The following MPHOSPH9 variants were observed in gnomAD, a reference collection of about 807,000 sequenced individuals.
MPHOSPH9 encodes the protein M-phase phosphoprotein 9.
Under a neutral mutation model 145.5 loss-of-function variants are expected in MPHOSPH9, and 88 were observed. That is an observed-to-expected ratio of 0.60 (90% CI 0.51 to 0.72). MPHOSPH9 has a LOEUF of 0.72. Among genes scored for constraint, MPHOSPH9 ranks in the 30% least tolerant of loss-of-function variants. The pLI, the probability that MPHOSPH9 is intolerant of heterozygous loss-of-function variation, is 0.00. For synonymous variants in MPHOSPH9, 435 were observed against 486.2 expected (o/e 0.89, Z 1.39); for missense variants, 1,238 against 1,386.6 (o/e 0.89, Z 1.70).
At chr12:123,192,628 C>CAAAA (rs55831766) in intron 13 of MPHOSPH9, among the ~76,000 whole-genome samples, 2 of 49,374 alleles carry the variant, frequency 4.1e-5, no homozygotes, top group Non-Finnish European at 3.5e-5. Flanking sequence ...GACACCGTCT[C>CAAAA]AAAAAAAAAA....
At chr12:123,234,465 G>C (rs920623246), upstream of MPHOSPH9, among the ~76,000 whole-genome samples, 1 of 152,112 alleles carries the variant, frequency 6.6e-6, no homozygotes, top group Admixed American at 6.5e-5. Flanking sequence ...GCGCGATCTC[G>C]GCTCACTTTA....
At chr12:123,207,869 G>GA (rs56034849) in intron 8 of MPHOSPH9, among the ~76,000 whole-genome samples, 18 of 143,184 alleles carry the variant, frequency 1.3e-4, no homozygotes, top group South Asian at 2.2e-4. Flanking sequence ...AAAAAAAAAA[G>GA]AAAAAAAAAA....
chr12:123,179,652 G>A (rs1365275408), intron 15 of MPHOSPH9, among the ~76,000 whole-genome samples: 1 of 150,938 alleles, frequency 6.6e-6, no homozygotes, highest in African/African-American at 2.4e-5. Flanking sequence ...AGCCAAGGCA[G>A]GAAGACTGCT....
At chr12:123,186,834 G>A (rs932254624) in intron 13 of MPHOSPH9, among the ~76,000 whole-genome samples, 7 of 152,026 alleles carry the variant, frequency 4.6e-5, no homozygotes, top group South Asian at 2.1e-4. Context: ...GGTGGCACGC[G>A]CCTGTAACCC....
intron 13 of MPHOSPH9, among the ~76,000 whole-genome samples, chr12:123,193,071 CAAAAAAAAAAAAAAA>C (rs768866302): frequency 1.0e-4 from 3 of 29,592 alleles, no homozygotes; most frequent in Non-Finnish European, 1.7e-4. Flanking sequence ...GATTGTCTTT[CAAAAAAAAAAAAAAA>C]AAAAAAAAAA....
intron 8 of MPHOSPH9, among the ~76,000 whole-genome samples, chr12:123,209,539 T>C (rs1009172702): frequency 1.3e-5 from 2 of 151,870 alleles, no homozygotes; most frequent in Non-Finnish European, 2.9e-5. Context: ...CCCAAATAGC[T>C]GGGATGAACA....
chr12:123,168,219 C>T (rs1274886458), intron 16 of MPHOSPH9, among the ~76,000 whole-genome samples: 1 of 152,176 alleles, frequency 6.6e-6, no homozygotes, highest in African/African-American at 2.4e-5. Context: ...ACTACAAAGG[C>T]CGCGCTTCAG....
chr12:123,229,689 A>G (rs1727334), intron 2 of MPHOSPH9, among the ~76,000 whole-genome samples: 97,519 of 152,128 alleles, frequency 0.64, 35,679 homozygotes, highest in East Asian at 1. Context: ...ACAAAAAAGT[A>G]TAAAGGAAAG....
chr12:123,222,910 T>A, intron 4 of MPHOSPH9, 128 bp downstream of exon 4: 1 of 561,276 alleles, frequency 1.8e-6, no homozygotes, highest in Non-Finnish European at 2.8e-6. Context: ...CACTCCAACC[T>A]GGGCAACAAG....
At chr12:123,199,737 G>A (rs1248942137) in intron 11 of MPHOSPH9, among the ~76,000 whole-genome samples, 1 of 150,006 alleles carries the variant, frequency 6.7e-6, no homozygotes, top group South Asian at 2.1e-4. Context: ...AGCTTGCAGT[G>A]AGCCGAGACA....
At chr12:123,210,012 A>G (rs765320278) in intron 8 of MPHOSPH9, 44 bp downstream of exon 8, 13 of 1,390,006 alleles carry the variant, frequency 9.4e-6, no homozygotes, top group Non-Finnish European at 1.0e-5. Flanking sequence ...CTGGGATTAC[A>G]GGCGTAAGCC....
chr12:123,165,621 G>A (rs1287281354), intron 17 of MPHOSPH9, 144 bp from the exon 18 acceptor site: 5 of 702,098 alleles, frequency 7.1e-6, no homozygotes, highest in Non-Finnish European at 9.3e-6. Context: ...GGTAATTAGG[G>A]TTGGATGAGG....
intron 2 of MPHOSPH9, among the ~76,000 whole-genome samples, chr12:123,229,702 AAAC>A (rs1460449777): frequency 6.6e-6 from 1 of 152,266 alleles, no homozygotes; most frequent in African/African-American, 2.4e-5. Flanking sequence ...AAGGAAAGTA[AAAC>A]AAGCAAAACA....
At chr12:123,169,483 A>C (rs1332178561) in intron 16 of MPHOSPH9, among the ~76,000 whole-genome samples, 1 of 151,350 alleles carries the variant, frequency 6.6e-6, no homozygotes, top group Admixed American at 6.6e-5. Flanking sequence ...TGGGCAACAG[A>C]GCGAGACTCC....
chr12:123,203,073 T>C lies in MPHOSPH9; in HGVS notation c.1332A>G (p.Leu444=). The C allele has an allele frequency of 6.2e-7, 1 of 1,612,218 alleles. No individual in the cohort carries two copies. Among genetic ancestry groups the C allele is most frequent in the Non-Finnish European group, 8.5e-7 (1 of 1,179,270 alleles). Residue 444 remains leucine (L), a synonymous_variant, in exon 10 of 24, where the codon CTA becomes CTG. Transcript: ENST00000606320. ...TTGGCTTCATGTGTAACGTAGGATC[T>C]AGAGTCAGGACCTGGAAACCAGACA... The part of the protein sequence containing the change: ...NPNHPPEVLT[L]DPTLHMKPKQ...
At chr12:123,237,216 G>A (rs2047865180), upstream of MPHOSPH9, among the ~76,000 whole-genome samples, 1 of 152,046 alleles carries the variant, frequency 6.6e-6, no homozygotes. Context: ...CAGGACTACG[G>A]GAGGCCAAGG....
chr12:123,193,077 A>G (rs2045766096), intron 13 of MPHOSPH9, among the ~76,000 whole-genome samples: 1 of 14,270 alleles, frequency 7.0e-5, no homozygotes. Context: ...CTTTCAAAAA[A>G]AAAAAAAAAA....
intron 13 of MPHOSPH9, among the ~76,000 whole-genome samples, chr12:123,190,995 A>C (rs538463193): frequency 6.6e-6 from 1 of 152,152 alleles, no homozygotes; most frequent in Non-Finnish European, 1.5e-5. Flanking sequence ...CTGCTCAAAC[A>C]TAACTGTGGT....
chr12:123,230,405 G>T lies in MPHOSPH9; in HGVS notation c.-41C>A. 4.6e-6 allele frequency: 6 copies of T among 1,290,404 alleles called. No homozygotes were observed. Among genetic ancestry groups the T allele is most frequent in the Non-Finnish European group, 6.4e-6 (6 of 941,232 alleles). 79.9% of individuals were successfully genotyped at this position (1,290,404 alleles called of 1,614,324 possible). The stretch of plus-strand genomic sequence containing the variant: ...TTATATTCTCTTATTGGAAAATAAA[G>T]GTTCTTGGGCTGTTTGAGAAAAATG... On this transcript the variant is annotated 5_prime_UTR_variant, in exon 2 of 24. Transcript: ENST00000606320.
Sources: gnomAD v4.1 joint callset for allele counts (sites outside exome capture counted in the v4.1 genomes callset) on GRCh38, gnomAD v4.1.1 for gene constraint, MANE v1.5 for transcripts, NCBI Gene and HGNC (gene_info 2026-07-23, HGNC 2026-07-21) for gene names.